ADAMTS12: variants seen among roughly 807,000 people sequenced by gnomAD.
ADAMTS12 encodes the protein ADAM metallopeptidase with thrombospondin type 1 motif 12, also known as A disintegrin and metalloproteinase with thrombospondin motifs 12.
ADAMTS12 carries 118 observed loss-of-function variants against 167.8 expected under a neutral mutation model. The observed-to-expected ratio is 0.70, with a 90% CI of 0.61 to 0.82. The LOEUF (loss-of-function observed/expected upper bound fraction) is 0.82. ADAMTS12 is among the 40% of genes least tolerant of loss of function. The pLI, the probability that ADAMTS12 is intolerant of heterozygous loss-of-function variation, is 0.00. For missense variants in ADAMTS12, 1,916 were observed against 1,998.8 expected (o/e 0.96, Z 0.79); for synonymous variants, 704 against 716.9 (o/e 0.98, Z 0.29).
At chr5:33,878,588 T>C (rs1327542601) in intron 2 of ADAMTS12, among the ~76,000 whole-genome samples, 2 of 152,080 alleles carry the variant, frequency 1.3e-5, no homozygotes, top group Non-Finnish European at 2.9e-5. Context: ...AAGATGAAAA[T>C]AGGGAGCAAT....
chr5:33,587,156 G>A (rs759758270), intron 18 of ADAMTS12, among the ~76,000 whole-genome samples: 3 of 151,774 alleles, frequency 2.0e-5, no homozygotes, highest in Non-Finnish European at 4.4e-5. Context: ...TGGAAATAAG[G>A]TTTCATCAAA....
intron 2 of ADAMTS12, among the ~76,000 whole-genome samples, chr5:33,762,397 A>G (rs893089086): frequency 2.6e-5 from 4 of 151,276 alleles, no homozygotes; most frequent in Admixed American, 2.0e-4. Flanking sequence ...AGTCCCAGCT[A>G]CTCGGGAGGC....
At chr5:33,775,761 C>G (rs936522816) in intron 2 of ADAMTS12, among the ~76,000 whole-genome samples, 1 of 152,186 alleles carries the variant, frequency 6.6e-6, no homozygotes, top group Non-Finnish European at 1.5e-5. Context: ...AGACCCTCCA[C>G]GTGGGGTGCT....
intron 3 of ADAMTS12, among the ~76,000 whole-genome samples, chr5:33,744,397 C>T (rs540985991): frequency 2.0e-5 from 3 of 152,212 alleles, no homozygotes; most frequent in African/African-American, 7.2e-5. Context: ...CAGGATGGCA[C>T]CAGGCTATAT....
Position 33,577,136 on chromosome 5 carries a change from C to A in ADAMTS12, c.2890G>T (p.Val964Leu). 6.2e-7 allele frequency: 1 copy of A among 1,614,168 alleles called. No individual in the cohort carries two copies. Among genetic ancestry groups the A allele is most frequent in the Non-Finnish European group, 8.5e-7 (1 of 1,180,010 alleles). The change falls in exon 19 of 24, where the codon GTG (valine) becomes TTG (leucine). Residue 964 changes from valine (V) to leucine (L), a missense_variant. By Grantham distance (32) the Val-to-Leu change is conservative (BLOSUM62 1). Transcript: ENST00000504830. ...SECSVSCGGG[V>L]RIRSVTCAKN... ...GCACATGTGACACTGCGAATCCGCA[C>A]TCCACCACCACAGGAAACAGAACAC...
intron 13 of ADAMTS12, among the ~76,000 whole-genome samples, chr5:33,629,933 A>T (rs768298663): frequency 2.0e-5 from 3 of 152,088 alleles, no homozygotes; most frequent in Non-Finnish European, 2.9e-5. Flanking sequence ...AGGTTAACTG[A>T]CCTTATTTAA....
At chr5:33,817,208 TG>T (rs1747693823) in intron 2 of ADAMTS12, among the ~76,000 whole-genome samples, 2 of 152,186 alleles carry the variant, frequency 1.3e-5, no homozygotes, top group African/African-American at 4.8e-5. Flanking sequence ...ACTCCAATCT[TG>T]AAACCTACAG....
At chr5:33,720,039 T>C (rs953863603) in intron 3 of ADAMTS12, among the ~76,000 whole-genome samples, 1 of 152,112 alleles carries the variant, frequency 6.6e-6, no homozygotes, top group Admixed American at 6.6e-5. Context: ...TCAAACCCAA[T>C]ATCTTTATTA....
At chr5:33,648,140 C>T (rs1407234975) in intron 9 of ADAMTS12, among the ~76,000 whole-genome samples, 2 of 152,174 alleles carry the variant, frequency 1.3e-5, no homozygotes, top group African/African-American at 2.4e-5. Flanking sequence ...TTCCAAATCA[C>T]GAAGGACTGC....
At chr5:33,844,394 C>T (rs917954248) in intron 2 of ADAMTS12, among the ~76,000 whole-genome samples, 2 of 152,106 alleles carry the variant, frequency 1.3e-5, no homozygotes, top group Non-Finnish European at 2.9e-5. Context: ...AAGGAACATC[C>T]CTGAGAAAGA....
intron 13 of ADAMTS12, among the ~76,000 whole-genome samples, chr5:33,624,813 T>C (rs1430518469): frequency 6.6e-6 from 1 of 152,154 alleles, no homozygotes; most frequent in Non-Finnish European, 1.5e-5. Context: ...CACCTGGACT[T>C]TTCTGTGGCT....
chr5:33,531,428 T>C (rs1196810709), intron 23 of ADAMTS12, among the ~76,000 whole-genome samples: 1 of 152,252 alleles, frequency 6.6e-6, no homozygotes, highest in Non-Finnish European at 1.5e-5. Context: ...GTTTGATATA[T>C]ACTATACCAT....
chr5:33,803,686 G>T (rs1038392790), intron 2 of ADAMTS12, among the ~76,000 whole-genome samples: 1 of 152,180 alleles, frequency 6.6e-6, no homozygotes, highest in Admixed American at 6.5e-5. Context: ...GTTCCACATG[G>T]CTGGGGAGGC....
intron 23 of ADAMTS12, among the ~76,000 whole-genome samples, chr5:33,532,051 C>T (rs1744129163): frequency 6.6e-6 from 1 of 152,168 alleles, no homozygotes; most frequent in South Asian, 2.1e-4. Flanking sequence ...ATTCCACTTC[C>T]AAAGTACATA....
chr5:33,769,442 G>C (rs981271945), intron 2 of ADAMTS12, among the ~76,000 whole-genome samples: 2 of 152,128 alleles, frequency 1.3e-5, no homozygotes, highest in African/African-American at 4.8e-5. Context: ...AGCCCTGGGA[G>C]GGATAAAAAG....
chr5:33,872,754 C>A (rs1487872658), intron 2 of ADAMTS12, among the ~76,000 whole-genome samples: 1 of 152,106 alleles, frequency 6.6e-6, no homozygotes, highest in African/African-American at 2.4e-5. Context: ...ACAACACAAT[C>A]AAGTGGGATT....
chr5:33,533,377 T>C (rs1380006854), intron 23 of ADAMTS12, among the ~76,000 whole-genome samples: 1 of 152,188 alleles, frequency 6.6e-6, no homozygotes, highest in Non-Finnish European at 1.5e-5. Flanking sequence ...GAGTCTCAAA[T>C]TGGTCCCTTG....
chr5:33,572,349 A>G (rs1746402652), intron 19 of ADAMTS12, among the ~76,000 whole-genome samples: 1 of 152,120 alleles, frequency 6.6e-6, no homozygotes, highest in Admixed American at 6.5e-5. Flanking sequence ...AAAATCCTCA[A>G]TAAAATACTG....
At chr5:33,574,852 T>A (rs539271280) in intron 19 of ADAMTS12, among the ~76,000 whole-genome samples, 1 of 152,222 alleles carries the variant, frequency 6.6e-6, no homozygotes, top group Non-Finnish European at 1.5e-5. Flanking sequence ...GCTAATAGTT[T>A]ACTTCACTTT....
Sources: allele counts gnomAD v4.1 joint callset (sites outside exome capture counted in the v4.1 genomes callset), GRCh38; gene constraint gnomAD v4.1.1; transcripts MANE v1.5; gene names NCBI Gene and HGNC (gene_info 2026-07-23, HGNC 2026-07-21).